Variants in CACNA2D1 observed in about 807,000 individuals in gnomAD.
CACNA2D1 encodes voltage-dependent calcium channel subunit alpha-2/delta-1.
CACNA2D1 carries 53 observed loss-of-function variants against 171.5 expected under a neutral mutation model. The observed-to-expected ratio is 0.31, with a 90% CI of 0.25 to 0.39. The LOEUF is 0.39. CACNA2D1 is among the 10% of genes least tolerant of loss of function. The pLI is 1.00. For synonymous variants in CACNA2D1, 442 were observed against 443.1 expected, an observed-to-expected ratio of 1.00 and a Z score of 0.03; for missense variants, 903 against 1,299.8, an observed-to-expected ratio of 0.69 and a Z score of 4.69.
intron 3 of CACNA2D1, among the ~76,000 whole-genome samples, chr7:82,286,675 A>T (rs531792355): frequency 6.6e-6 from 1 of 152,174 alleles, no homozygotes; most frequent in African/African-American, 2.4e-5. Context: ...GGCAGATTAG[A>T]TCATGTCTCA....
At chr7:82,423,536 C>A (rs1828911995) in intron 1 of CACNA2D1, among the ~76,000 whole-genome samples, 1 of 152,104 alleles carries the variant, frequency 6.6e-6, no homozygotes, top group African/African-American at 2.4e-5. Context: ...CATTAAAAGC[C>A]AAATTTGCTT....
chr7:82,372,328 G>C (rs766419388), intron 1 of CACNA2D1, among the ~76,000 whole-genome samples: 1 of 152,006 alleles, frequency 6.6e-6, no homozygotes, highest in Non-Finnish European at 1.5e-5. Context: ...TAAAAATATA[G>C]CAAACAAAAA....
At chr7:82,121,915 T>C (rs1420868121) in intron 5 of CACNA2D1, among the ~76,000 whole-genome samples, 2 of 152,136 alleles carry the variant, frequency 1.3e-5, no homozygotes, top group East Asian at 1.9e-4. Context: ...TCAGAAGCAA[T>C]TTATTTAACA....
chr7:82,330,074 CA>C (rs11300889), intron 3 of CACNA2D1, among the ~76,000 whole-genome samples: 110,485 of 151,126 alleles, frequency 0.73, 40,762 homozygotes, highest in African/African-American at 0.85. Flanking sequence ...CCACCCCCAA[CA>C]AAAAAAAAGC....
At chr7:82,173,902 G>A (rs1039932329) in intron 3 of CACNA2D1, among the ~76,000 whole-genome samples, 7 of 151,624 alleles carry the variant, frequency 4.6e-5, no homozygotes, top group African/African-American at 1.7e-4. Context: ...AATTAGCCAG[G>A]CATGGTGGCA....
chr7:82,095,526 T>A (rs183400415), intron 6 of CACNA2D1, among the ~76,000 whole-genome samples: 19 of 152,304 alleles, frequency 1.2e-4, no homozygotes, highest in African/African-American at 4.1e-4. Context: ...CACAGACTTC[T>A]AGTTTTCAGG....
chr7:82,306,539 G>A (rs576084296), intron 3 of CACNA2D1, among the ~76,000 whole-genome samples: 6 of 152,266 alleles, frequency 3.9e-5, no homozygotes, highest in African/African-American at 1.4e-4. Flanking sequence ...AGATTAATGG[G>A]TTAGTGACTG....
intron 1 of CACNA2D1, among the ~76,000 whole-genome samples, chr7:82,442,533 TC>T (rs1830583932): frequency 6.6e-6 from 1 of 152,236 alleles, no homozygotes; most frequent in East Asian, 1.9e-4. Flanking sequence ...TTATTATTTT[TC>T]ATTCCCTTCC....
chr7:82,083,554 G>T (rs1584682930), intron 7 of CACNA2D1, among the ~76,000 whole-genome samples: 3 of 151,930 alleles, frequency 2.0e-5, no homozygotes, highest in African/African-American at 4.8e-5. Context: ...TCCATAAAGG[G>T]AAAATTCCAC....
chr7:82,126,128 A>C lies in CACNA2D1; in HGVS notation c.397-8955T>G, dbSNP rs138674092. ...TGCTATTACTATCACCTCCATTTTAAAGACCAAATAACTAAAAAGCAGAGA... is the reference window on the plus strand; with the variant it reads ...TGCTATTACTATCACCTCCATTTTACAGACCAAATAACTAAAAAGCAGAGA... On this transcript the variant is annotated intron_variant, in intron 5 of 38. Transcript: ENST00000356860. 3.3e-3 allele frequency among the ~76,000 whole-genome samples: 509 copies of C among 152,320 alleles called. 3 individuals are homozygous for C. Among genetic ancestry groups the C allele is most frequent in the African/African-American group, 0.012 (489 of 41,576 alleles).
At chr7:82,366,967 C>T (rs1272602629) in intron 1 of CACNA2D1, among the ~76,000 whole-genome samples, 3 of 135,428 alleles carry the variant, frequency 2.2e-5, no homozygotes, top group Non-Finnish European at 4.6e-5. Context: ...AGTGCAGTGG[C>T]ATGAAAAGGG....
intron 3 of CACNA2D1, among the ~76,000 whole-genome samples, chr7:82,290,757 G>A (rs1233959554): frequency 1.3e-5 from 2 of 151,466 alleles, no homozygotes; most frequent in South Asian, 2.1e-4. Context: ...CCACCATGCC[G>A]GGCTAATTTT....
intron 12 of CACNA2D1, among the ~76,000 whole-genome samples, chr7:82,026,328 TTC>T (rs1801904965): frequency 6.6e-6 from 1 of 151,604 alleles, no homozygotes; most frequent in African/African-American, 2.4e-5. Context: ...TTTTGTTATT[TTC>T]TGTCTTATTT....
intron 13 of CACNA2D1, among the ~76,000 whole-genome samples, chr7:82,014,094 C>T (rs1800128719): frequency 6.6e-6 from 1 of 151,918 alleles, no homozygotes; most frequent in South Asian, 2.1e-4. Flanking sequence ...TTATGAAATT[C>T]AGATATTGTT....
At chr7:82,136,596 A>G (rs1791642298) in intron 5 of CACNA2D1, 39 bp downstream of exon 5, 2 of 1,487,506 alleles carry the variant, frequency 1.3e-6, no homozygotes, top group Non-Finnish European at 1.9e-6. Flanking sequence ...ATTTTACTAT[A>G]ATTTTCTTGG....
intron 12 of CACNA2D1, among the ~76,000 whole-genome samples, chr7:82,023,541 A>G (rs982134947): frequency 2.0e-5 from 3 of 151,526 alleles, no homozygotes; most frequent in Admixed American, 2.0e-4. Flanking sequence ...CTGCAGCCAC[A>G]TTAGTATTAA....
rs967554859 is a variant in CACNA2D1, at chr7:82,217,435, C to T, written c.295-46826G>A. Among the ~76,000 whole-genome samples, 20 of 74,596 alleles carry T rather than the reference C, an allele frequency of 2.7e-4. No individual in the cohort carries two copies. The East Asian group carries it at 3.8e-3, about 14-fold the overall frequency. The allele number at this position is 74,596 out of a possible 152,430, so 48.9% of individuals were successfully genotyped here. A position where few individuals can be genotyped will look rare whatever the true frequency, so the allele number is the denominator to read the frequency against. On this transcript the variant is annotated intron_variant, in intron 3 of 38. Transcript: ENST00000356860. The stretch of plus-strand genomic sequence containing the variant: ...TATATATATATATATATCAGGAAAA[C>T]GACTATGTCTTTAGGATATAAAGAA...
chr7:82,437,798 G>A (rs1830219000), intron 1 of CACNA2D1, among the ~76,000 whole-genome samples: 1 of 151,984 alleles, frequency 6.6e-6, no homozygotes. Flanking sequence ...TACAAAAGAT[G>A]TAAAGCCTAC....
At chr7:82,336,369 A>C (rs1327831940) in intron 2 of CACNA2D1, among the ~76,000 whole-genome samples, 1 of 152,184 alleles carries the variant, frequency 6.6e-6, no homozygotes, top group African/African-American at 2.4e-5. Context: ...TGGACTTATA[A>C]TTTTTTATTT....
Sources: allele counts gnomAD v4.1 joint callset (sites outside exome capture counted in the v4.1 genomes callset), GRCh38; gene constraint gnomAD v4.1.1; transcripts MANE v1.5; gene names NCBI Gene and HGNC (gene_info 2026-07-23, HGNC 2026-07-21).